Variants in CSGALNACT1 observed in about 807,000 individuals in gnomAD.
The protein encoded by CSGALNACT1 is beta4GalNAcT-1.
CSGALNACT1 carries 52 observed loss-of-function variants against 51.0 expected under a neutral mutation model. The observed-to-expected ratio is 1.02, with a 90% CI of 0.82 to 1.29. CSGALNACT1 has a LOEUF of 1.29. Ranked by LOEUF, CSGALNACT1 falls within the 50% of genes most tolerant of loss-of-function variation. CSGALNACT1 has a pLI of 0.00. For synonymous variants in CSGALNACT1, 341 were observed against 254.4 expected (o/e 1.34, Z -3.24); for missense variants, 935 against 679.2 (o/e 1.38, Z -4.19).
At position 19,597,189 on chromosome 8, in the gene CSGALNACT1, C is replaced by T. The variant is rs556756858; in HGVS notation, c.-416+4582G>A. Among the ~76,000 whole-genome samples, 13 of 151,718 alleles carry T rather than the reference C, an allele frequency of 8.6e-5. No individual in the cohort carries two copies. In the South Asian group the frequency reaches 2.7e-3, roughly 32 times the overall value. On this transcript the variant is annotated intron_variant, in intron 2 of 9. Transcript: ENST00000454498. ...GTCAGAATTTCTCTCCTTTTTAAGG[C>T]TGAAAAATATTCCATTGTATGGATA... is the stretch of plus-strand genomic sequence containing the variant.
At chr8:19,459,382 CA>C (rs377411028) in intron 4 of CSGALNACT1, among the ~76,000 whole-genome samples, 5,307 of 68,774 alleles carry the variant, frequency 0.077, 42 homozygotes, top group East Asian at 0.17. Flanking sequence ...AACTTTATCT[CA>C]AAAAAAAAAA....
chr8:19,552,218 G>C (rs2088306991), intron 3 of CSGALNACT1, among the ~76,000 whole-genome samples: 1 of 152,164 alleles, frequency 6.6e-6, no homozygotes, highest in Non-Finnish European at 1.5e-5. Context: ...AATTATTATA[G>C]ACACAAGATG....
At chr8:19,658,518 G>A (rs1034859429) in intron 1 of CSGALNACT1, among the ~76,000 whole-genome samples, 1 of 152,156 alleles carries the variant, frequency 6.6e-6, no homozygotes, top group Non-Finnish European at 1.5e-5. Flanking sequence ...TGGATCACCT[G>A]AGGTCAGGAG....
chr8:19,458,063 T>C (rs1344417197), intron 5 of CSGALNACT1, among the ~76,000 whole-genome samples: 2 of 152,124 alleles, frequency 1.3e-5, no homozygotes, highest in African/African-American at 4.8e-5. Flanking sequence ...AGCTCCTCTC[T>C]CCTCCTCAAG....
chr8:19,603,057 C>T (rs934538559), upstream of CSGALNACT1, among the ~76,000 whole-genome samples: 10 of 104,318 alleles, frequency 9.6e-5, no homozygotes, highest in African/African-American at 3.6e-4. Flanking sequence ...TACACACACA[C>T]ACACACACAC....
intron 3 of CSGALNACT1, among the ~76,000 whole-genome samples, chr8:19,534,974 G>A (rs938740807): frequency 2.6e-5 from 4 of 152,080 alleles, no homozygotes; most frequent in African/African-American, 9.7e-5. Context: ...AAATATATGT[G>A]GTGGCTGACA....
At chr8:19,756,436 C>G (rs13252421) in intron 1 of CSGALNACT1, among the ~76,000 whole-genome samples, 1,526 of 152,316 alleles carry the variant, frequency 0.01, 19 homozygotes, top group Non-Finnish European at 0.013. Context: ...AACATCTCTT[C>G]CTTTCTCACC....
chr8:19,651,481 GT>G (rs1801537998), intron 1 of CSGALNACT1, among the ~76,000 whole-genome samples: 1 of 152,064 alleles, frequency 6.6e-6, no homozygotes, highest in South Asian at 2.1e-4. Flanking sequence ...TGTACTCAAC[GT>G]TTAGCTCCCA....
chr8:19,586,951 C>T (rs1460119143), intron 3 of CSGALNACT1, among the ~76,000 whole-genome samples: 2 of 152,190 alleles, frequency 1.3e-5, no homozygotes, highest in East Asian at 3.8e-4. Context: ...TAGTAATCTC[C>T]AGGAAACACT....
At chr8:19,716,612 CAAA>C (rs60464594) in intron 1 of CSGALNACT1, among the ~76,000 whole-genome samples, 3 of 41,992 alleles carry the variant, frequency 7.1e-5, no homozygotes, top group South Asian at 1.5e-3. Context: ...ACCCTCTCTA[CAAA>C]AAAAAAAAAA....
intron 3 of CSGALNACT1, among the ~76,000 whole-genome samples, chr8:19,575,522 A>C (rs1003542465): frequency 6.6e-6 from 1 of 152,268 alleles, no homozygotes; most frequent in African/African-American, 2.4e-5. Flanking sequence ...AACTTTCAAT[A>C]GGAAAAATAA....
chr8:19,459,111 C>T (rs557272317), intron 4 of CSGALNACT1, among the ~76,000 whole-genome samples: 3 of 152,110 alleles, frequency 2.0e-5, no homozygotes, highest in South Asian at 2.1e-4. Flanking sequence ...TCAGCCTGGG[C>T]GCAGTGGCTC....
rs2077133831 is a variant in CSGALNACT1, at chr8:19,505,434, T to C, written c.401A>G (p.Asn134Ser). The change falls in exon 4 of 10, where the codon AAT (asparagine) becomes AGT (serine). Residue 134 changes from asparagine (N) to serine (S), a missense_variant. Asn to Ser is a conservative substitution (Grantham distance 46). Transcript: ENST00000454498. ...CTCTGTGGCCAGCTTGACGCCAGCA[T>C]TCACCTCTGCCTTGTCCACCTGCGA... The C allele has an allele frequency of 1.9e-6, 3 of 1,614,208 alleles. No individual in the cohort carries two copies. The highest frequency in any genetic ancestry group is 2.5e-6 in the Non-Finnish European group (3 of 1,180,048).
chr8:19,701,401 A>C (rs563870892), intron 1 of CSGALNACT1, among the ~76,000 whole-genome samples: 2 of 151,140 alleles, frequency 1.3e-5, no homozygotes, highest in South Asian at 4.2e-4. Flanking sequence ...TGATCTGCCC[A>C]CCTTGGCCTC....
chr8:19,492,754 T>C (rs2074625548), intron 4 of CSGALNACT1, among the ~76,000 whole-genome samples: 1 of 152,256 alleles, frequency 6.6e-6, no homozygotes. Context: ...CTTGAATGTT[T>C]AGCCTCAAAC....
chr8:19,525,534 T>C (rs1266617845), intron 3 of CSGALNACT1, among the ~76,000 whole-genome samples: 2 of 141,776 alleles, frequency 1.4e-5, no homozygotes, highest in Non-Finnish European at 3.0e-5. Flanking sequence ...GGAGAATCGC[T>C]TGAACCCAGC....
intron 1 of CSGALNACT1, among the ~76,000 whole-genome samples, chr8:19,626,991 T>G (rs1452631549): frequency 1.3e-5 from 2 of 152,202 alleles, no homozygotes; most frequent in Non-Finnish European, 2.9e-5. Context: ...GGAAACAATT[T>G]GACAGTTTTT....
At chr8:19,478,738 G>A (rs1004961304) in intron 4 of CSGALNACT1, among the ~76,000 whole-genome samples, 1 of 152,150 alleles carries the variant, frequency 6.6e-6, no homozygotes, top group Non-Finnish European at 1.5e-5. Context: ...TTGCTCCACT[G>A]CTATAAATTG....
chr8:19,531,453 G>A (rs1216992662), intron 3 of CSGALNACT1, among the ~76,000 whole-genome samples: 1 of 152,164 alleles, frequency 6.6e-6, no homozygotes, highest in Admixed American at 6.5e-5. Flanking sequence ...GCTTTGAGTG[G>A]ATCACTTCAT....
Sources: allele counts gnomAD v4.1 joint callset (sites outside exome capture counted in the v4.1 genomes callset), GRCh38; gene constraint gnomAD v4.1.1; transcripts MANE v1.5; gene names NCBI Gene and HGNC (gene_info 2026-07-23, HGNC 2026-07-21).